Variants in UTS2B observed in about 807,000 individuals in gnomAD.
The protein encoded by UTS2B is urotensin 2B, also known as urotensin-2B.
Under a neutral mutation model 19.2 loss-of-function variants are expected in UTS2B, and 21 were observed. The observed-to-expected ratio is 1.09, with a 90% CI of 0.78 to 1.58. The LOEUF (loss-of-function observed/expected upper bound fraction) is 1.58, where lower values mean the gene tolerates loss of function less well. UTS2B is among the 40% of genes most tolerant of loss of function. UTS2B has a pLI of 0.00. For missense variants in UTS2B, 138 were observed against 130.3 expected (o/e 1.06, Z -0.29); for synonymous variants, 57 against 50.2 (o/e 1.14, Z -0.58).
chr3:191,329,422 A>C (rs1366194940), intron 1 of UTS2B: 3 of 430,566 alleles, frequency 7.0e-6, no homozygotes, highest in Non-Finnish European at 1.2e-5. Flanking sequence ...TTTGGTATCG[A>C]TTGGGGCCGG....
At chr3:191,315,790 T>A (rs1486517725) in intron 3 of UTS2B, among the ~76,000 whole-genome samples, 1 of 152,240 alleles carries the variant, frequency 6.6e-6, no homozygotes, top group East Asian at 1.9e-4. Context: ...AGTCTAAATA[T>A]GTTTTTAAAT....
In UTS2B at chr3:191,275,350, T is replaced by A. The variant is rs367762299; in HGVS notation, c.241-5A>T. ...CTGTTCTTTTAGCTTTTCCAGCTGA[T>A]AAAATTGTAAAATGATAATTAATTG... On this transcript the variant is annotated splice_polypyrimidine_tract_variant and splice_region_variant and intron_variant, in intron 7 of 8. Coordinates refer to ENST00000340524, the MANE Select transcript of UTS2B (RefSeq NM_198152.5). 6.8e-6 allele frequency: 11 copies of A among 1,607,676 alleles called. No individual in the cohort carries two copies. The highest frequency in any genetic ancestry group is 9.4e-6 in the Non-Finnish European group (11 of 1,174,438).
At chr3:191,309,561 C>A (rs1202290175) in intron 3 of UTS2B, among the ~76,000 whole-genome samples, 1 of 152,174 alleles carries the variant, frequency 6.6e-6, no homozygotes, top group African/African-American at 2.4e-5. Flanking sequence ...TGGTTTGGAT[C>A]TGTCTCCCCA....
chr3:191,323,800 G>C (rs527704797), intron 2 of UTS2B, among the ~76,000 whole-genome samples: 1 of 152,262 alleles, frequency 6.6e-6, no homozygotes, highest in South Asian at 2.1e-4. Flanking sequence ...CAGATTATAG[G>C]TTCTTGTATA....
the UTS2B span, among the ~76,000 whole-genome samples, chr3:191,345,952 A>G: frequency 6.6e-6 from 1 of 152,214 alleles, no homozygotes; most frequent in Non-Finnish European, 1.5e-5. Flanking sequence ...TTAAGTTGCC[A>G]CGTGATAACT....
At position 191,329,942 on chromosome 3, in the gene UTS2B, TGGG is replaced by T. The variant is rs34226642; in HGVS notation, c.-665+469_-665+471del. The stretch of plus-strand genomic sequence containing the variant: ...GCCCGTTTTTTCTCAAGGGGGTGGT[TGGG>T]GGGGGGGGGGGCTAGCAGCAGCCCC... On this transcript the variant is annotated intron_variant, in intron 1 of 8. Coordinates refer to ENST00000340524, the MANE Select transcript of UTS2B (RefSeq NM_198152.5). Among the ~76,000 whole-genome samples, 23,322 of 103,008 alleles carry T rather than the reference TGGG, an allele frequency of 0.23. 3,460 individuals carry two copies. The highest frequency in any genetic ancestry group is 0.4 in the African/African-American group (13,287 of 33,300). The allele number at this position is 103,008 out of a possible 152,430, so 67.6% of individuals were successfully genotyped here.
intron 2 of UTS2B, among the ~76,000 whole-genome samples, chr3:191,322,731 T>C (rs111811048): frequency 0.014 from 2,153 of 152,304 alleles, 57 homozygotes; most frequent in African/African-American, 0.048. Context: ...TTGGGAGTAA[T>C]ATCTTTGAGA....
the UTS2B span, among the ~76,000 whole-genome samples, chr3:191,345,384 G>A: frequency 2.6e-5 from 4 of 152,102 alleles, no homozygotes; most frequent in South Asian, 2.1e-4. Flanking sequence ...ATCTGTGTTC[G>A]ACAGTTTAAC....
chr3:191,336,191 A>G, the UTS2B span, among the ~76,000 whole-genome samples: 1 of 151,004 alleles, frequency 6.6e-6, no homozygotes, highest in Non-Finnish European at 1.5e-5. Flanking sequence ...TTTCCCTCGA[A>G]TGGACTTTCT....
intron 4 of UTS2B, among the ~76,000 whole-genome samples, chr3:191,298,365 T>C (rs1394276156): frequency 6.6e-6 from 1 of 152,168 alleles, no homozygotes; most frequent in Non-Finnish European, 1.5e-5. Context: ...TGGGGTAGAT[T>C]TCCCCCCTGC....
intron 8 of UTS2B, among the ~76,000 whole-genome samples, chr3:191,272,979 A>G (rs1348920000): frequency 1.3e-5 from 2 of 151,904 alleles, no homozygotes; most frequent in African/African-American, 4.8e-5. Context: ...AGCCTGGCCA[A>G]CATGATGAAA....
chr3:191,289,447 T>TAAATAAATAAAAAAAA (rs1206575948), intron 4 of UTS2B, among the ~76,000 whole-genome samples: 3 of 144,666 alleles, frequency 2.1e-5, no homozygotes, highest in South Asian at 2.2e-4. Context: ...AATAAATAAA[T>TAAATAAATAAAAAAAA]AAAAAACAAA....
At chr3:191,270,421 C>T (rs371080046) in intron 8 of UTS2B, among the ~76,000 whole-genome samples, 17 of 152,292 alleles carry the variant, frequency 1.1e-4, no homozygotes, top group South Asian at 4.1e-4. Context: ...TGGTCTCAGA[C>T]GATTGGGCAC....
chr3:191,302,829 C>A (rs893186398), intron 4 of UTS2B, among the ~76,000 whole-genome samples: 2 of 152,110 alleles, frequency 1.3e-5, no homozygotes, highest in Non-Finnish European at 2.9e-5. Flanking sequence ...AGAAACAAGG[C>A]CTCTCTGACC....
chr3:191,279,181 T>A (rs1022936122), intron 5 of UTS2B, among the ~76,000 whole-genome samples: 2 of 152,040 alleles, frequency 1.3e-5, no homozygotes, highest in African/African-American at 4.8e-5. Context: ...AGTGACAGGA[T>A]CACAGTTTTC....
At chr3:191,289,279 G>C (rs1307064917) in intron 4 of UTS2B, among the ~76,000 whole-genome samples, 3 of 151,860 alleles carry the variant, frequency 2.0e-5, no homozygotes, top group African/African-American at 7.3e-5. Flanking sequence ...CATGGTGGCA[G>C]GCGCCTGTAG....
intron 2 of UTS2B, among the ~76,000 whole-genome samples, chr3:191,316,700 A>C (rs1224237700): frequency 6.6e-6 from 1 of 152,218 alleles, no homozygotes; most frequent in Non-Finnish European, 1.5e-5. Flanking sequence ...CTAGCTAGCC[A>C]TAAAAGTTCT....
chr3:191,284,316 CT>C (rs1441943080), intron 4 of UTS2B, among the ~76,000 whole-genome samples: 3 of 151,604 alleles, frequency 2.0e-5, no homozygotes, highest in African/African-American at 7.3e-5. Context: ...ACTGATTATT[CT>C]TTTCTTTTCT....
intron 4 of UTS2B, among the ~76,000 whole-genome samples, chr3:191,285,157 A>T (rs535180681): frequency 6.6e-6 from 1 of 152,370 alleles, no homozygotes; most frequent in East Asian, 1.9e-4. Context: ...TTGCTAAGGA[A>T]TACACAATAT....
Sources: allele counts gnomAD v4.1 joint callset (sites outside exome capture counted in the v4.1 genomes callset), GRCh38; gene constraint gnomAD v4.1.1; transcripts MANE v1.5; gene names NCBI Gene and HGNC (gene_info 2026-07-23, HGNC 2026-07-21).